TEX13A: variants seen among roughly 807,000 people sequenced by gnomAD.
The protein encoded by TEX13A is testis expressed 13A, also known as testis-expressed protein 13A.
In TEX13A, 8 loss-of-function variants were observed where a neutral mutation model predicts 7.1. That is an observed-to-expected ratio of 1.12 (90% confidence interval 0.66 to 2.03). The LOEUF is 2.03. Among genes scored for constraint, TEX13A ranks in the 30% most tolerant of loss-of-function variants. The probability of loss-of-function intolerance (pLI) is 0.00; values close to 1 mark genes in which losing one functional copy is unlikely to be tolerated. For synonymous variants in TEX13A, 151 were observed against 134.2 expected (o/e 1.13, Z -0.87); for missense variants, 362 against 332.2 (o/e 1.09, Z -0.70).
chrX:105,219,348 G>A lies in TEX13A; in HGVS notation c.846C>T (p.Asn282=), dbSNP rs781802607. ...GTTCTGATGAGGCTCTGGACCAGGG[G>A]TTCGTGGTTCCAGAGAAATAAGATG... ...TATSYFSGTT[N]PWSRASSEPL... is the part of the protein sequence containing the mutation. Residue 282 remains asparagine, a synonymous_variant, in exon 3 of 3, where the codon AAC becomes AAT. Transcript: ENST00000600991. The A allele has an allele frequency of 1.7e-6, 2 of 1,211,333 alleles. No individual in the cohort carries two copies. Among genetic ancestry groups the A allele is most frequent in the Non-Finnish European group, 1.1e-6 (1 of 895,297 alleles).
At position 105,219,335 on chromosome X, in the gene TEX13A, C is replaced by A; in HGVS notation, c.859G>T (p.Ala287Ser). The change falls in exon 3 of 3, where the codon GCC becomes TCC. Residue 287 changes from alanine (A) to serine (S), a missense_variant. Ala to Ser is a moderately conservative substitution (Grantham distance 99). Transcript: ENST00000600991. ...TGGACAGGAAGAGGTTCTGATGAGG[C>A]TCTGGACCAGGGGTTCGTGGTTCCA... ...FSGTTNPWSR[A>S]SSEPLPVQLP... The A allele has an allele frequency of 8.3e-7, 1 of 1,211,522 alleles. No individual in the cohort carries two copies.
intron 2 of TEX13A, 77 bp downstream of exon 2, chrX:105,219,886 T>A: frequency 9.4e-7 from 1 of 1,060,377 alleles, no homozygotes; most frequent in Middle Eastern, 2.7e-4. Context: ...TGGAGAGGGG[T>A]GGGAATGGGG....
In TEX13A at chrX:105,219,568, G is replaced by T. The variant is rs782164521; in HGVS notation, c.626C>A (p.Ala209Asp). 2 of 1,209,322 alleles carry T rather than the reference G, an allele frequency of 1.7e-6. No individual in the cohort carries two copies. The highest frequency in any genetic ancestry group is 1.8e-5 in the South Asian group (1 of 56,925). ...CCCAGCCTCCACAGGGGGAGCCATG[G>T]CCTCCACAGGGGCAGCCACAACCTC... ...DVEVVAAPVE[A>D]MAPPVEAGAA... Residue 209 changes from alanine (A) to aspartate (D), a missense_variant, in exon 3 of 3, where the codon GCC (alanine) becomes GAC (aspartate). By Grantham distance (126) the Ala-to-Asp change is moderately radical (BLOSUM62 -2). Coordinates refer to ENST00000600991, the MANE Select transcript of TEX13A (RefSeq NM_031274.5).
chrX:105,219,796 G>A (rs1556177721), intron 2 of TEX13A, 38 bp from the exon 3 acceptor site: 2 of 1,154,480 alleles, frequency 1.7e-6, no homozygotes, highest in African/African-American at 3.6e-5. Context: ...GTGTTCTGGG[G>A]GCAAGGCGGG....
chrX:105,220,641 A>G lies in TEX13A; in HGVS notation c.-79T>C, dbSNP rs377464876. ...AAGTACAGGCCAACCCCGCTGTCTT[A>G]ACACGCCCGAAGAGAGAGGAAGATC... On this transcript the variant is annotated 5_prime_UTR_variant, in exon 1 of 3. Coordinates refer to ENST00000600991, the MANE Select transcript of TEX13A (RefSeq NM_031274.5). The G allele has an allele frequency of 6.3e-6, 2 of 319,583 alleles. No homozygotes were observed. The highest frequency in any genetic ancestry group is 8.8e-5 in the East Asian group (2 of 22,635). The allele number at this position is 319,583 out of a possible 1,213,427, so 26.3% of individuals were successfully genotyped here.
At position 105,220,091 on chromosome X, in the gene TEX13A, C is replaced by T. The variant is rs1427304289; in HGVS notation, c.307G>A (p.Ala103Thr). The T allele has an allele frequency of 3.3e-6, 4 of 1,210,296 alleles. No individual in the cohort carries two copies. The Admixed American group carries it at 8.7e-5, about 26-fold the overall frequency. The change falls in exon 2 of 3, where the codon GCC (alanine) becomes ACC (threonine). Residue 103 changes from alanine to threonine, a missense_variant. By Grantham distance (58) the Ala-to-Thr change is moderately conservative. Transcript: ENST00000600991. The part of the protein sequence containing the change: ...LHGFAKLHKS[A>T]AQALASDLKK... ...AGGTCTGATGCCAAGGCCTGTGCGG[C>T]TGATTTGTGCAGTTTGGCGAAGCCG... is the stretch of plus-strand genomic sequence containing the variant.
intron 2 of TEX13A, 47 bp from the exon 3 acceptor site, chrX:105,219,805 G>T: frequency 8.8e-7 from 1 of 1,142,139 alleles, no homozygotes; most frequent in South Asian, 2.0e-5. Context: ...GGGCAAGGCG[G>T]GAGCACTAAG....
chrX:105,219,865 A>G, intron 2 of TEX13A, 98 bp downstream of exon 2: 1 of 1,035,422 alleles, frequency 9.7e-7, no homozygotes, highest in East Asian at 3.1e-5. Flanking sequence ...GGGCGAAGCC[A>G]TGGAGCAGGG....
At position 105,219,736 on chromosome X, in the gene TEX13A, C is replaced by G. The variant is rs782120437; in HGVS notation, c.458G>C (p.Trp153Ser). 1 of 1,205,987 alleles carries G rather than the reference C, an allele frequency of 8.3e-7. No individual in the cohort carries two copies. Among genetic ancestry groups the G allele is most frequent in the Non-Finnish European group, 1.1e-6 (1 of 894,592 alleles). Residue 153 changes from tryptophan (W) to serine (S), a missense_variant, in exon 3 of 3, where the codon TGG becomes TCG. Trp to Ser is a radical substitution (Grantham distance 177, BLOSUM62 -3). Coordinates refer to ENST00000600991, the MANE Select transcript of TEX13A (RefSeq NM_031274.5). ...RDKELVSPHE[W>S]EQGAGWPGLA... The stretch of plus-strand genomic sequence containing the variant: ...GCCTGGCCACCCTGCCCCCTGCTCC[C>G]ACTCATGGGGAGACACCAGCTCCTG...
In TEX13A at chrX:105,219,367, T is replaced by G; in HGVS notation, c.827A>C (p.Tyr276Ser). The G allele has an allele frequency of 8.3e-7, 1 of 1,211,046 alleles. No individual in the cohort carries two copies. The highest frequency in any genetic ancestry group is 1.8e-5 in the South Asian group (1 of 56,921). ...DLRSVETATS[Y>S]FSGTTNPWSR... ...CCAGGGGTTCGTGGTTCCAGAGAAA[T>G]AAGATGTGGCTGTTTCGACCGACCG... The change falls in exon 3 of 3, where the codon TAT becomes TCT. Residue 276 changes from tyrosine (Y) to serine (S), a missense_variant. Physicochemically the swap from Tyr to Ser is moderately radical, Grantham distance 144 (BLOSUM62 -2). Coordinates refer to ENST00000600991, the MANE Select transcript of TEX13A (RefSeq NM_031274.5).
At position 105,220,630 on chromosome X, in the gene TEX13A, C is replaced by T. The variant is rs1020587782; in HGVS notation, c.-68G>A. 2.4e-5 allele frequency: 8 copies of T among 338,050 alleles called. No homozygotes were observed. The East Asian group carries it at 2.9e-4, about 12-fold the overall frequency. The allele number at this position is 338,050 out of a possible 1,213,427, so 27.9% of individuals were successfully genotyped here. ...AGGGCCAGAGGAAGTACAGGCCAAC[C>T]CCGCTGTCTTAACACGCCCGAAGAG... On this transcript the variant is annotated 5_prime_UTR_variant, in exon 1 of 3. Transcript: ENST00000600991.
Position 105,220,459 on chromosome X carries a change from T to A in TEX13A, c.-32-30A>T, listed in dbSNP as rs964142491. 23 of 1,021,304 alleles carry A rather than the reference T, an allele frequency of 2.3e-5. No individual in the cohort carries two copies. The African/African-American group carries it at 4.2e-4, about 19-fold the overall frequency. 84.2% of individuals were successfully genotyped at this position (1,021,304 alleles called of 1,213,427 possible). On this transcript the variant is annotated intron_variant, in intron 1 of 2. Coordinates refer to ENST00000600991, the MANE Select transcript of TEX13A (RefSeq NM_031274.5). ...GTGGATGGAGCAGCCAATAGGTTCC[T>A]TTCCTCCCCCTTAGCCCCTCCCCTC... is the stretch of plus-strand genomic sequence containing the variant.
intron 2 of TEX13A, 76 bp from the exon 3 acceptor site, chrX:105,219,834 C>A: frequency 2.7e-6 from 3 of 1,098,798 alleles, no homozygotes; most frequent in Non-Finnish European, 3.7e-6. Flanking sequence ...GACGGAGCTA[C>A]CAGGTGGGAA....
At position 105,219,404 on chromosome X, in the gene TEX13A, CCTT is replaced by C. The variant is rs782508265; in HGVS notation, c.787_789del (p.Lys263del). The C allele has an allele frequency of 1.9e-5, 23 of 1,208,015 alleles. No individual in the cohort carries two copies. In the African/African-American group the frequency reaches 3.4e-4, roughly 18 times the overall value. ...GTTTCGACCGACCGGAGATCTCCCTCCTTCTGCCCCCAATAGGTGTACTTTTCC... is the reference window on the plus strand; with the variant it reads ...GTTTCGACCGACCGGAGATCTCCCTCCTGCCCCCAATAGGTGTACTTTTCC... On this transcript the variant is annotated inframe_deletion, in exon 3 of 3. Coordinates refer to ENST00000600991, the MANE Select transcript of TEX13A (RefSeq NM_031274.5).
At position 105,219,944 on chromosome X, in the gene TEX13A, G is replaced by A. The variant is rs1556178046; in HGVS notation, c.435+19C>T. 1 of 1,181,389 alleles carries A rather than the reference G, an allele frequency of 8.5e-7. No homozygotes were observed. The highest frequency in any genetic ancestry group is 2.2e-5 in the Admixed American group (1 of 44,904). Reference sequence around the variant, plus strand: ...GACCAGTTGAGGGATCTTACTGCATGGAGCGGCTTCCAACTCACCTTGTCT... The same window carrying A: ...GACCAGTTGAGGGATCTTACTGCATAGAGCGGCTTCCAACTCACCTTGTCT... On this transcript the variant is annotated intron_variant, in intron 2 of 2. Coordinates refer to ENST00000600991, the MANE Select transcript of TEX13A (RefSeq NM_031274.5).
Position 105,220,364 on chromosome X carries a change from A to T in TEX13A, c.34T>A (p.Phe12Ile), listed in dbSNP as rs782471679. 1.7e-6 allele frequency: 2 copies of T among 1,195,725 alleles called. No homozygotes were observed. Among genetic ancestry groups the T allele is most frequent in the East Asian group, 6.0e-5 (2 of 33,564 alleles). ...AAGGCCACCACGTTGCTATGCCGGAACCCGCTACTGGGGTCCTCAGGTCTC... is the reference window on the plus strand; with the variant it reads ...AAGGCCACCACGTTGCTATGCCGGATCCCGCTACTGGGGTCCTCAGGTCTC... Reference protein sequence around the residue: ...ALRPEDPSSGFRHSNVVAFIN... With the variant: ...ALRPEDPSSGIRHSNVVAFIN... The change falls in exon 2 of 3, where the codon TTC becomes ATC. Residue 12 changes from phenylalanine to isoleucine, a missense_variant. Coordinates refer to ENST00000600991, the MANE Select transcript of TEX13A (RefSeq NM_031274.5).
At position 105,219,293 on chromosome X, in the gene TEX13A, A is replaced by G; in HGVS notation, c.901T>C (p.Ser301Pro). 1 of 1,210,550 alleles carries G rather than the reference A, an allele frequency of 8.3e-7. No homozygotes were observed. Among genetic ancestry groups the G allele is most frequent in the Admixed American group, 2.2e-5 (1 of 46,003 alleles). The stretch of plus-strand genomic sequence containing the variant: ...GAAAAAGGGCTTGAGTATGAGTATG[A>G]GTATGAGGCAGGGAGCTGGACAGGA... ...PLPVQLPASY[S>P]YSYSSPFSSF... Residue 301 changes from serine (S) to proline (P), a missense_variant, in exon 3 of 3, where the codon TCA (serine) becomes CCA (proline). Transcript: ENST00000600991.
In TEX13A at chrX:105,218,943, T is replaced by C. The variant is rs2033900090; in HGVS notation, c.*21A>G. On this transcript the variant is annotated 3_prime_UTR_variant, in exon 3 of 3. Transcript: ENST00000600991. ...CGCCATCGAGATATACATGCTTCGG[T>C]TCTATTTTGCATTTCTGCACTCAAT... 1 of 1,165,147 alleles carries C rather than the reference T, an allele frequency of 8.6e-7. No homozygotes were observed. Among genetic ancestry groups the C allele is most frequent in the African/African-American group, 1.8e-5 (1 of 54,892 alleles).
At position 105,219,566 on chromosome X, in the gene TEX13A, T is replaced by C. The variant is rs1569406409; in HGVS notation, c.628A>G (p.Met210Val). The change falls in exon 3 of 3, where the codon ATG becomes GTG. Residue 210 changes from methionine (M) to valine (V), a missense_variant. Met to Val is a conservative substitution (Grantham distance 21). Transcript: ENST00000600991. ...VEVVAAPVEA[M>V]APPVEAGAAP... Reference sequence around the variant, plus strand: ...GCCCCAGCCTCCACAGGGGGAGCCATGGCCTCCACAGGGGCAGCCACAACC... The same window carrying C: ...GCCCCAGCCTCCACAGGGGGAGCCACGGCCTCCACAGGGGCAGCCACAACC... 1.3e-5 allele frequency: 16 copies of C among 1,206,919 alleles called. No homozygotes were observed. The highest frequency in any genetic ancestry group is 1.8e-5 in the Non-Finnish European group (16 of 894,406).
Sources: allele counts gnomAD v4.1 joint callset, GRCh38; gene constraint gnomAD v4.1.1; transcripts MANE v1.5; gene names NCBI Gene and HGNC (gene_info 2026-07-23, HGNC 2026-07-21).